The following GNAO1 variants were observed in gnomAD, a reference collection of about 807,000 sequenced individuals.
The protein encoded by GNAO1 is guanine nucleotide-binding protein G(o) subunit alpha.
For missense variants in GNAO1, 166 were observed against 478.7 expected, an observed-to-expected ratio of 0.35 and a Z score of 6.10; for synonymous variants, 164 against 180.7, an observed-to-expected ratio of 0.91 and a Z score of 0.74.
At chr16:56,345,156 A>T in intron 6 of GNAO1, 1 of 985,812 alleles carries the variant, frequency 1.0e-6, no homozygotes, top group Non-Finnish European at 1.2e-6. Context: ...TCTCCCGGTG[A>T]CGGTGACGCA....
At chr16:56,211,200 G>T (rs2036383569) in intron 2 of GNAO1, among the ~76,000 whole-genome samples, 1 of 152,200 alleles carries the variant, frequency 6.6e-6, no homozygotes, top group African/African-American at 2.4e-5. Flanking sequence ...TGCTTAATAT[G>T]CAGATCAGCT....
intron 3 of GNAO1, among the ~76,000 whole-genome samples, chr16:56,313,600 C>T (rs1363901370): frequency 2.0e-5 from 3 of 152,062 alleles, no homozygotes; most frequent in Non-Finnish European, 2.9e-5. Flanking sequence ...TGGCCCCACA[C>T]GAACAGGGAA....
At position 56,311,116 on chromosome 16, in the gene GNAO1, C is replaced by A. The variant is rs1004955123; in HGVS notation, c.304-17515C>A. On this transcript the variant is annotated intron_variant, in intron 3 of 8. Coordinates refer to ENST00000262493, the MANE Select transcript of GNAO1 (RefSeq NM_020988.3). This position sits in a 1 kb window ranked among gnomAD's most constrained non-coding sequence, Gnocchi z 5.2. ...GCCTTACAACCTGCAGAAAGGAACT[C>A]CTTTTTTCTAATTGTACCGGCTGGC... 4.6e-5 allele frequency among the ~76,000 whole-genome samples: 7 copies of A among 151,270 alleles called. No individual in the cohort carries two copies. The highest frequency in any genetic ancestry group is 1.7e-4 in the African/African-American group (7 of 41,012).
At chr16:56,258,189 CAG>C (rs1319061396) in intron 2 of GNAO1, among the ~76,000 whole-genome samples, 1 of 152,178 alleles carries the variant, frequency 6.6e-6, no homozygotes, top group Non-Finnish European at 1.5e-5. Flanking sequence ...TACTGTGAAA[CAG>C]AGCCACTACC....
At chr16:56,213,418 A>G (rs918914427) in intron 2 of GNAO1, 1 of 398,374 alleles carries the variant, frequency 2.5e-6, no homozygotes, top group Non-Finnish European at 4.4e-6. Context: ...TAGTAGTATT[A>G]TACATCAGCT....
intron 2 of GNAO1, among the ~76,000 whole-genome samples, chr16:56,269,284 C>G (rs1366073266): frequency 6.6e-6 from 1 of 152,110 alleles, no homozygotes; most frequent in Non-Finnish European, 1.5e-5. Context: ...TTAACCCTTG[C>G]TGCTGTTGTT....
intron 3 of GNAO1, among the ~76,000 whole-genome samples, chr16:56,295,736 T>C (rs372093933): frequency 3.3e-5 from 5 of 152,306 alleles, no homozygotes; most frequent in African/African-American, 1.2e-4. Context: ...GTTCGTACGG[T>C]GCTCCTCACC....
intron 2 of GNAO1, among the ~76,000 whole-genome samples, chr16:56,237,354 C>G (rs2036647588): frequency 1.3e-5 from 2 of 152,116 alleles, no homozygotes; most frequent in South Asian, 4.1e-4. Flanking sequence ...TGTGATCTTA[C>G]CTTCATGAAC....
At chr16:56,321,809 C>T (rs943186361) in intron 3 of GNAO1, among the ~76,000 whole-genome samples, 6 of 152,190 alleles carry the variant, frequency 3.9e-5, no homozygotes, top group African/African-American at 1.4e-4. Context: ...ACTGCCTGGG[C>T]GGGAGCACGC....
chr16:56,230,957 T>G (rs1020146680), intron 2 of GNAO1, among the ~76,000 whole-genome samples: 1 of 151,988 alleles, frequency 6.6e-6, no homozygotes, highest in Non-Finnish European at 1.5e-5. Flanking sequence ...GTCTGTGGAG[T>G]TGGTGCCCTG....
chr16:56,334,693 T>C (rs2037723289), intron 4 of GNAO1, 36 bp from the exon 5 acceptor site: 1 of 1,612,192 alleles, frequency 6.2e-7, no homozygotes, highest in Non-Finnish European at 8.5e-7. Flanking sequence ...TGTCCAGGCA[T>C]TTGGTCCATA....
intron 3 of GNAO1, among the ~76,000 whole-genome samples, chr16:56,291,260 C>T (rs1043806640): frequency 2.2e-4 from 33 of 152,186 alleles, no homozygotes; most frequent in Non-Finnish European, 3.7e-4. Context: ...CCAGTGTCTC[C>T]CCGTTCTCAC....
intron 2 of GNAO1, chr16:56,192,831 G>T (rs576728616): frequency 1.8e-6 from 1 of 564,380 alleles, no homozygotes; most frequent in South Asian, 2.3e-5. Flanking sequence ...GTGTTTTTTG[G>T]GAGGGGGAAG....
chr16:56,287,455 A>G (rs1470074948), intron 3 of GNAO1, among the ~76,000 whole-genome samples: 1 of 152,212 alleles, frequency 6.6e-6, no homozygotes, highest in Non-Finnish European at 1.5e-5. Flanking sequence ...AGATCATAAT[A>G]ATACCTACTC....
At chr16:56,245,554 G>T (rs1481574346) in intron 2 of GNAO1, 3 of 154,812 alleles carry the variant, frequency 1.9e-5, no homozygotes, top group Non-Finnish European at 4.4e-5. Context: ...GCTGATGGTT[G>T]TATCTATGAA....
intron 2 of GNAO1, among the ~76,000 whole-genome samples, chr16:56,241,917 A>G (rs148331422): frequency 6.6e-6 from 1 of 152,360 alleles, no homozygotes; most frequent in African/African-American, 2.4e-5. Flanking sequence ...CTGAGCTGCA[A>G]TGGGAAGCTA....
At chr16:56,333,603 A>G (rs2037712590) in intron 4 of GNAO1, among the ~76,000 whole-genome samples, 1 of 152,216 alleles carries the variant, frequency 6.6e-6, no homozygotes, top group Non-Finnish European at 1.5e-5. Flanking sequence ...GCATTCTCAC[A>G]AGGATTGTCA....
Position 56,336,880 on chromosome 16 carries a change from CG to C in GNAO1, c.723+23del. ...ACCACGGTGAGTGGCCTGGGCCCCCCGGGCAGGGGGCAGCGCTGAGGAGACG... is the reference window on the plus strand; with the variant it reads ...ACCACGGTGAGTGGCCTGGGCCCCCCGGCAGGGGGCAGCGCTGAGGAGACG... On this transcript the variant is annotated intron_variant, in intron 6 of 8. Coordinates refer to ENST00000262493, the MANE Select transcript of GNAO1 (RefSeq NM_020988.3). 6.2e-7 allele frequency: 1 copy of C among 1,601,580 alleles called. No individual in the cohort carries two copies. Among genetic ancestry groups the C allele is most frequent in the Non-Finnish European group, 8.5e-7 (1 of 1,176,300 alleles).
intron 2 of GNAO1, among the ~76,000 whole-genome samples, chr16:56,197,337 C>A (rs1825333510): frequency 6.6e-6 from 1 of 152,174 alleles, no homozygotes. Flanking sequence ...TATGTTTATT[C>A]AAATGGATGC....
Sources: gnomAD v4.1 joint callset for allele counts (sites outside exome capture counted in the v4.1 genomes callset) on GRCh38, gnomAD v4.1.1 for gene constraint, Gnocchi (gnomAD v3.1) non-coding constraint, MANE v1.5 for transcripts, NCBI Gene and HGNC (gene_info 2026-07-23, HGNC 2026-07-21) for gene names.